The following DRC8 variants were observed in gnomAD, a reference collection of about 807,000 sequenced individuals.
DRC8 encodes dynein regulatory complex protein 8.
At chr1:245,002,240 G>A in the DRC8 span, 2 of 1,595,350 alleles carry the variant, frequency 1.3e-6, no homozygotes, top group South Asian at 2.3e-5. Context: ...AGGGTACAGT[G>A]CATTCATACC....
the DRC8 span, among the ~76,000 whole-genome samples, chr1:244,998,578 G>A: frequency 1.3e-5 from 2 of 152,030 alleles, no homozygotes; most frequent in Non-Finnish European, 2.9e-5. Context: ...TCCCCCAATT[G>A]GCTTATCAGT....
chr1:244,980,069 A>AAAAAAAAAAAAAAAAAAAAG, the DRC8 span, among the ~76,000 whole-genome samples: 1 of 136,524 alleles, frequency 7.3e-6, no homozygotes, highest in Non-Finnish European at 1.6e-5. Context: ...AAAAAAAAAA[A>AAAAAAAAAAAAAAAAAAAAG]TTAGCTGGGC....
the DRC8 span, chr1:245,082,288 C>T: frequency 1.3e-6 from 1 of 755,736 alleles, no homozygotes; most frequent in African/African-American, 1.7e-5. Context: ...GGTGGCCTCC[C>T]TCTAACCTTT....
the DRC8 span, among the ~76,000 whole-genome samples, chr1:244,973,178 TGAA>T: frequency 2.9e-3 from 441 of 152,326 alleles, no homozygotes; most frequent in Non-Finnish European, 4.8e-3. Context: ...TACATTGACT[TGAA>T]GGCTGATTTT....
the DRC8 span, among the ~76,000 whole-genome samples, chr1:245,113,660 G>C: frequency 2.0e-5 from 3 of 152,048 alleles, no homozygotes; most frequent in Non-Finnish European, 4.4e-5. Flanking sequence ...GAACAGGAAC[G>C]AATGCTGGAA....
the DRC8 span, among the ~76,000 whole-genome samples, chr1:245,030,323 C>T: frequency 3.0e-3 from 455 of 152,150 alleles, 3 homozygotes; most frequent in East Asian, 0.038. Context: ...TTTCTCAGTT[C>T]GAGCAAGTTT....
chr1:245,117,111 G>A, the DRC8 span, among the ~76,000 whole-genome samples: 3 of 152,174 alleles, frequency 2.0e-5, no homozygotes, highest in African/African-American at 7.2e-5. Context: ...GGAGGGCAGT[G>A]GTACAATCTC....
chr1:245,105,051 C>T, the DRC8 span, among the ~76,000 whole-genome samples: 4 of 152,210 alleles, frequency 2.6e-5, no homozygotes, highest in Admixed American at 2.0e-4. Context: ...GTGTTTAACA[C>T]GTCCCTCTAT....
the DRC8 span, among the ~76,000 whole-genome samples, chr1:245,049,023 T>C: frequency 6.7e-6 from 1 of 149,672 alleles, no homozygotes; most frequent in Non-Finnish European, 1.5e-5. The surrounding 1 kb of genome is among the most constrained non-coding windows in gnomAD (Gnocchi z 4.5). Flanking sequence ...TCCCACTCCA[T>C]CACCCAGATG....
the DRC8 span, among the ~76,000 whole-genome samples, chr1:244,987,932 T>C: frequency 6.6e-6 from 1 of 152,178 alleles, no homozygotes; most frequent in Non-Finnish European, 1.5e-5. Context: ...AAAACTTCTC[T>C]TATATCCTTA....
the DRC8 span, chr1:244,970,231 C>A: frequency 1.3e-6 from 1 of 752,874 alleles, no homozygotes; most frequent in Non-Finnish European, 2.3e-6. Flanking sequence ...AGGGTCGTGG[C>A]GCGAAACGGG....
the DRC8 span, among the ~76,000 whole-genome samples, chr1:245,013,444 A>G: frequency 6.6e-6 from 1 of 152,252 alleles, no homozygotes; most frequent in Non-Finnish European, 1.5e-5. Context: ...ATGGCTAATA[A>G]GAACCTTGCT....
the DRC8 span, among the ~76,000 whole-genome samples, chr1:244,989,533 A>G: frequency 6.6e-6 from 1 of 152,170 alleles, no homozygotes; most frequent in African/African-American, 2.4e-5. Flanking sequence ...TACCATTTTC[A>G]TCACATGACA....
chr1:245,014,597 G>C, the DRC8 span, among the ~76,000 whole-genome samples: 1 of 146,924 alleles, frequency 6.8e-6, no homozygotes, highest in East Asian at 2.1e-4. Context: ...TTTACGTGAA[G>C]TAATTAAGGA....
At chr1:245,078,955 C>G in the DRC8 span, among the ~76,000 whole-genome samples, 1 of 151,902 alleles carries the variant, frequency 6.6e-6, no homozygotes, top group Non-Finnish European at 1.5e-5. Flanking sequence ...GTCCATCATA[C>G]CTCAGTAAGA....
the DRC8 span, among the ~76,000 whole-genome samples, chr1:245,058,833 T>G: frequency 5.3e-5 from 8 of 152,226 alleles, no homozygotes; most frequent in Non-Finnish European, 1.2e-4. Flanking sequence ...TATTTAACCC[T>G]TAGTGTATCC....
chr1:244,977,645 T>TA, the DRC8 span, among the ~76,000 whole-genome samples: 112 of 151,792 alleles, frequency 7.4e-4, no homozygotes, highest in Non-Finnish European at 7.1e-4. Flanking sequence ...TCTTGCCTGT[T>TA]AAACTCTCTA....
chr1:245,092,848 C>T, the DRC8 span, among the ~76,000 whole-genome samples: 1 of 152,130 alleles, frequency 6.6e-6, no homozygotes, highest in Admixed American at 6.5e-5. Flanking sequence ...CATGATTGTA[C>T]CACTGCACTC....
the DRC8 span, among the ~76,000 whole-genome samples, chr1:244,997,637 G>C: frequency 6.7e-6 from 1 of 149,834 alleles, no homozygotes; most frequent in African/African-American, 2.5e-5. Flanking sequence ...TCTGCCTCCT[G>C]GGTTCAAGCA....
Sources: gnomAD v4.1 joint callset for allele counts (sites outside exome capture counted in the v4.1 genomes callset) on GRCh38, gnomAD v4.1.1 for gene constraint, Gnocchi (gnomAD v3.1) non-coding constraint, MANE v1.5 for transcripts, NCBI Gene and HGNC (gene_info 2026-07-23, HGNC 2026-07-21) for gene names.